CAMSAP1: variants seen among roughly 807,000 people sequenced by gnomAD.
CAMSAP1 encodes the protein calmodulin regulated spectrin associated protein 1, also known as calmodulin-regulated spectrin-associated protein 1.
In CAMSAP1, 58 loss-of-function variants were observed where a neutral mutation model predicts 143.5. The observed-to-expected ratio is 0.40, with a 90% CI of 0.33 to 0.50. The LOEUF (loss-of-function observed/expected upper bound fraction) is 0.50, where lower values mean the gene tolerates loss of function less well. CAMSAP1 is among the 20% of genes least tolerant of loss of function. The pLI is 0.45. For missense variants in CAMSAP1, 1,969 were observed against 2,115.7 expected (o/e 0.93, Z 1.36); for synonymous variants, 945 against 859.3 (o/e 1.10, Z -1.74).
intron 1 of CAMSAP1, among the ~76,000 whole-genome samples, chr9:135,893,307 G>GA (rs1405199481): frequency 2.1e-5 from 3 of 142,404 alleles, no homozygotes; most frequent in Non-Finnish European, 3.1e-5. Flanking sequence ...AAGGCAGGAA[G>GA]AAAGAAAAGA....
chr9:135,817,054 C>A (rs886385019), intron 14 of CAMSAP1, among the ~76,000 whole-genome samples: 1 of 152,206 alleles, frequency 6.6e-6, no homozygotes, highest in Non-Finnish European at 1.5e-5. Context: ...TACTGAGAGG[C>A]AGCCAGAAGG....
chr9:135,833,005 T>C (rs563508635), intron 7 of CAMSAP1, among the ~76,000 whole-genome samples: 96 of 150,430 alleles, frequency 6.4e-4, no homozygotes, highest in African/African-American at 2.2e-3. Context: ...CCCAATGGCA[T>C]TTTCCACCAA....
chr9:135,815,881 C>G lies in CAMSAP1; in HGVS notation c.4387+9G>C, dbSNP rs913342. The G allele has an allele frequency of 0.83, 1,336,232 of 1,612,030 alleles. 555,308 individuals are homozygous for G. The highest frequency in any genetic ancestry group is 0.97 in the African/African-American group (72,661 of 75,070). On this transcript the variant is annotated intron_variant, in intron 15 of 16. Coordinates refer to ENST00000389532, the MANE Select transcript of CAMSAP1 (RefSeq NM_015447.4). ...CACGATGACCTCTAAGGAGGGCGAA[C>G]GCCGTCACCTGTGTACTCGGCCACT...
intron 1 of CAMSAP1, among the ~76,000 whole-genome samples, chr9:135,897,734 G>A (rs1326523305): frequency 3.9e-5 from 6 of 152,034 alleles, no homozygotes; most frequent in Non-Finnish European, 5.9e-5. Flanking sequence ...CTGGACAAAG[G>A]GATAAGTCAC....
rs1288201879 is a variant in CAMSAP1, at chr9:135,810,056, C to T, written c.*1253G>A. The T allele has an allele frequency of 6.6e-6, 1 of 152,598 alleles. No homozygotes were observed. The highest frequency in any genetic ancestry group is 2.4e-5 in the African/African-American group (1 of 41,436). The allele number at this position is 152,598 out of a possible 1,614,324, so 9.5% of individuals were successfully genotyped here. A position where few individuals can be genotyped will look rare whatever the true frequency, so the allele number is the denominator to read the frequency against. On this transcript the variant is annotated 3_prime_UTR_variant, in exon 17 of 17. Coordinates refer to ENST00000389532, the MANE Select transcript of CAMSAP1 (RefSeq NM_015447.4). ...ATGTGCAAAACTAATGTTAGTGGCTCCAGAATCTTCCGGCAGCTGGTCAGT... is the reference window on the plus strand; with the variant it reads ...ATGTGCAAAACTAATGTTAGTGGCTTCAGAATCTTCCGGCAGCTGGTCAGT...
rs573049626 is a variant in CAMSAP1, at chr9:135,821,818, C to T, written c.2843G>A (p.Gly948Glu). ...EYSQHNGEDC[G>E]DAVSKTEDFL... is the part of the protein sequence containing the mutation. ...GTCTTCGGTTTTGGAAACAGCGTCC[C>T]CACAGTCCTCCCCGTTGTGCTGAGA... The change falls in exon 11 of 17, where the codon GGG becomes GAG. Residue 948 changes from glycine to glutamate, a missense_variant. Physicochemically the swap from Gly to Glu is moderately conservative, Grantham distance 98 (BLOSUM62 -2). Around this residue, in one of 4 missense-constraint regions of CAMSAP1, gnomAD observed 1,390 missense variants for 1,420.8 expected, o/e 0.98. Coordinates refer to ENST00000389532, the MANE Select transcript of CAMSAP1 (RefSeq NM_015447.4). This position sits in a 1 kb window ranked among gnomAD's most constrained non-coding sequence, Gnocchi z 4.6. The T allele has an allele frequency of 6.2e-7, 1 of 1,614,044 alleles. No individual in the cohort carries two copies. The highest frequency in any genetic ancestry group is 1.7e-5 in the Admixed American group (1 of 60,032).
At chr9:135,838,803 C>A (rs112700095) in intron 7 of CAMSAP1, among the ~76,000 whole-genome samples, 1,861 of 150,442 alleles carry the variant, frequency 0.012, 48 homozygotes, top group African/African-American at 0.043. Context: ...CATGTCATCA[C>A]GCACTTTCTA....
Position 135,907,163 on chromosome 9 carries a change from C to T in CAMSAP1, c.-4G>A, listed in dbSNP as rs1381956336. ...CGCGGCCGCTCGCGTCCACCATCTG[C>T]AGACAAAGGGCTGAGGCGGCGGCCC... On this transcript the variant is annotated 5_prime_UTR_variant, in exon 1 of 17. Coordinates refer to ENST00000389532, the MANE Select transcript of CAMSAP1 (RefSeq NM_015447.4). 13 of 1,094,204 alleles carry T rather than the reference C, an allele frequency of 1.2e-5. No individual in the cohort carries two copies. Among genetic ancestry groups the T allele is most frequent in the Non-Finnish European group, 1.4e-5 (13 of 898,780 alleles). The allele number at this position is 1,094,204 out of a possible 1,614,324, so 67.8% of individuals were successfully genotyped here.
At chr9:135,905,943 C>G (rs915914058) in intron 1 of CAMSAP1, among the ~76,000 whole-genome samples, 2 of 152,226 alleles carry the variant, frequency 1.3e-5, no homozygotes. Flanking sequence ...AACACAGAAA[C>G]TAAGGTTCCA....
At chr9:135,814,860 A>G (rs748892148) in intron 16 of CAMSAP1, among the ~76,000 whole-genome samples, 8 of 152,196 alleles carry the variant, frequency 5.3e-5, no homozygotes, top group Non-Finnish European at 1.2e-4. Flanking sequence ...ATGAGGATGT[A>G]GCCTCTGAAC....
intron 1 of CAMSAP1, among the ~76,000 whole-genome samples, chr9:135,884,706 C>T (rs1346322902): frequency 6.6e-6 from 1 of 152,188 alleles, no homozygotes; most frequent in Non-Finnish European, 1.5e-5. Context: ...ACAGCAGTAA[C>T]ACAAGGAACA....
At chr9:135,845,142 G>A (rs1362105084) in intron 7 of CAMSAP1, among the ~76,000 whole-genome samples, 1 of 152,174 alleles carries the variant, frequency 6.6e-6, no homozygotes, top group Non-Finnish European at 1.5e-5. Context: ...ACTGAATCCA[G>A]CAGCACATCA....
chr9:135,881,861 A>G lies in CAMSAP1; in HGVS notation c.424-67T>C, dbSNP rs1002490488. 1.5e-5 allele frequency: 23 copies of G among 1,516,068 alleles called. 1 individual carries two copies. In the African/African-American group the frequency reaches 2.2e-4, roughly 15 times the overall value. The allele number at this position is 1,516,068 out of a possible 1,614,324, so 93.9% of individuals were successfully genotyped here. A position where few individuals can be genotyped will look rare whatever the true frequency, so the allele number is the denominator to read the frequency against. ...CTCTTACCAGGTTCTGATGCAGGGA[A>G]CCTGCTCATACTCAGCATTCTGGCC... On this transcript the variant is annotated intron_variant, in intron 2 of 16. Coordinates refer to ENST00000389532, the MANE Select transcript of CAMSAP1 (RefSeq NM_015447.4).
intron 7 of CAMSAP1, 193 bp downstream of exon 7, chr9:135,849,944 G>T: frequency 2.2e-6 from 1 of 450,762 alleles, no homozygotes; most frequent in Non-Finnish European, 3.9e-6. Flanking sequence ...GCTGTGATTC[G>T]TAACCGAATA....
rs375787805 is a variant in CAMSAP1 at position 135,818,995 on chromosome 9, C to T, written c.3959+15G>A. ...CTCCTGCTCAGTCTGCTTTCCCCCC[C>T]GGCGGGACGCTTACCGGGCTTCGTC... is the stretch of plus-strand genomic sequence containing the variant. On this transcript the variant is annotated intron_variant, in intron 12 of 16. Coordinates refer to ENST00000389532, the MANE Select transcript of CAMSAP1 (RefSeq NM_015447.4). The surrounding 1 kb of genome is among the most constrained non-coding windows in gnomAD (Gnocchi z 7.7). 2.5e-6 allele frequency: 4 copies of T among 1,603,340 alleles called. No homozygotes were observed. The highest frequency in any genetic ancestry group is 1.3e-5 in the African/African-American group (1 of 74,970).
chr9:135,856,913 G>A (rs571845642), intron 5 of CAMSAP1, among the ~76,000 whole-genome samples: 2 of 152,184 alleles, frequency 1.3e-5, no homozygotes, highest in African/African-American at 2.4e-5. Context: ...ATTTCAGCCT[G>A]AGCCTCCCTC....
intron 15 of CAMSAP1, 31 bp downstream of exon 15, chr9:135,815,859 G>C: frequency 1.3e-6 from 2 of 1,578,058 alleles, no homozygotes; most frequent in East Asian, 2.2e-5. Flanking sequence ...CCATGCCCAC[G>C]ATGACCTCTA....
intron 1 of CAMSAP1, among the ~76,000 whole-genome samples, chr9:135,885,082 G>A (rs1408813312): frequency 6.6e-6 from 1 of 152,198 alleles, no homozygotes; most frequent in African/African-American, 2.4e-5. Context: ...GGAGGGAGCT[G>A]CCTTTCTCCT....
chr9:135,828,841 A>G (rs1356257634), intron 7 of CAMSAP1, among the ~76,000 whole-genome samples: 1 of 152,260 alleles, frequency 6.6e-6, no homozygotes, highest in East Asian at 1.9e-4. Context: ...AACCCCCATT[A>G]GACTATCAGT....
Sources: gnomAD v4.1 joint callset for allele counts (sites outside exome capture counted in the v4.1 genomes callset) on GRCh38, gnomAD v4.1.1 for gene constraint, gnomAD v4.1.1 regional missense constraint, Gnocchi (gnomAD v3.1) non-coding constraint, MANE v1.5 for transcripts, NCBI Gene and HGNC (gene_info 2026-07-23, HGNC 2026-07-21) for gene names.